Variants in GNAI2 observed in about 807,000 individuals in gnomAD.
GNAI2 encodes G protein subunit alpha i2, also known as guanine nucleotide-binding protein G(i) subunit alpha-2.
GNAI2 carries 4 observed loss-of-function variants against 36.8 expected under a neutral mutation model. The observed-to-expected ratio is 0.11, with a 90% CI of 0.05 to 0.25. The LOEUF (loss-of-function observed/expected upper bound fraction) is 0.25. Ranked by LOEUF, GNAI2 falls within the 10% of genes least tolerant of loss-of-function variation. The pLI is 1.00. For missense variants in GNAI2, 230 were observed against 481.3 expected, an observed-to-expected ratio of 0.48 and a Z score of 4.89; for synonymous variants, 194 against 194.1, an observed-to-expected ratio of 1.00 and a Z score of 0.01.
intron 1 of GNAI2, chr3:50,247,006 A>G: frequency 4.7e-6 from 6 of 1,282,902 alleles, no homozygotes; most frequent in Non-Finnish European, 6.5e-6. Flanking sequence ...TTTATCTGAA[A>G]ATCTTCAGAA....
At chr3:50,234,376 T>C (rs1247730912), upstream of GNAI2, among the ~76,000 whole-genome samples, 6 of 137,704 alleles carry the variant, frequency 4.4e-5, no homozygotes, top group African/African-American at 1.7e-4. Context: ...TTTTTTGAAA[T>C]GGAGTTTCAC....
At chr3:50,243,325 G>A (rs931905453) in intron 1 of GNAI2, among the ~76,000 whole-genome samples, 2 of 152,244 alleles carry the variant, frequency 1.3e-5, no homozygotes, top group African/African-American at 4.8e-5. Flanking sequence ...GGAGAAGGAC[G>A]CTGGCGGGAG....
intron 1 of GNAI2, among the ~76,000 whole-genome samples, chr3:50,244,025 C>CTTTT (rs782681282): frequency 4.2e-5 from 5 of 120,408 alleles, no homozygotes; most frequent in South Asian, 2.5e-4. Context: ...CCCTCCACTC[C>CTTTT]TTTTTTTTTT....
chr3:50,250,588 GC>G (rs1301246282), intron 1 of GNAI2, among the ~76,000 whole-genome samples: 1 of 152,200 alleles, frequency 6.6e-6, no homozygotes, highest in Non-Finnish European at 1.5e-5. Flanking sequence ...GGGAAGGACA[GC>G]AGGGCCCAGC....
chr3:50,254,624 A>T (rs1259095910), intron 4 of GNAI2, among the ~76,000 whole-genome samples: 2 of 152,202 alleles, frequency 1.3e-5, no homozygotes, highest in Non-Finnish European at 2.9e-5. Context: ...CCTCCCTGAG[A>T]TCTCTGGCCC....
chr3:50,259,069 C>T lies in GNAI2; in HGVS notation c.*726C>T, dbSNP rs1361297301. ...GCTGGCCGCCCCCGTGCGAGCGGCA[C>T]CCCTGCCCTGCCCTCCACAGAATTG... On this transcript the variant is annotated 3_prime_UTR_variant, in exon 9 of 9. Transcript: ENST00000313601. 4 of 393,470 alleles carry T rather than the reference C, an allele frequency of 1.0e-5. No individual in the cohort carries two copies. The highest frequency in any genetic ancestry group is 7.0e-5 in the Admixed American group (2 of 28,398). 24.4% of individuals were successfully genotyped at this position (393,470 alleles called of 1,614,324 possible). A position where few individuals can be genotyped will look rare whatever the true frequency, so the allele number is the denominator to read the frequency against.
chr3:50,251,810 C>A (rs781849643), intron 1 of GNAI2: 5 of 1,286,730 alleles, frequency 3.9e-6, no homozygotes, highest in Non-Finnish European at 4.0e-6. Flanking sequence ...CCAGCCAAGA[C>A]CCCCCAGGAC....
rs1700736365 is a variant in GNAI2, at chr3:50,257,642, C to T, written c.1020C>T (p.Val340=). ...TKNVQFVFDA[V]TDVIIKNNLK... ...ACGTGCAGTTCGTGTTTGACGCCGTCACCGATGTCATCATCAAGAACAACC... is the reference window on the plus strand; with the variant it reads ...ACGTGCAGTTCGTGTTTGACGCCGTTACCGATGTCATCATCAAGAACAACC... Residue 340 remains valine, a synonymous_variant, in exon 8 of 9, where the codon GTC becomes GTT. Coordinates refer to ENST00000313601, the MANE Select transcript of GNAI2 (RefSeq NM_002070.4). 3.7e-6 allele frequency: 6 copies of T among 1,605,282 alleles called. No homozygotes were observed. The highest frequency in any genetic ancestry group is 5.1e-6 in the Non-Finnish European group (6 of 1,174,978).
chr3:50,237,693 G>A (rs1311613583), intron 1 of GNAI2, among the ~76,000 whole-genome samples: 2 of 151,870 alleles, frequency 1.3e-5, no homozygotes, highest in African/African-American at 4.8e-5. Context: ...TGGGCCTACT[G>A]GCTGTCCCCA....
At chr3:50,251,958 C>T in intron 1 of GNAI2, 142 bp from the exon 2 acceptor site, 5 of 927,798 alleles carry the variant, frequency 5.4e-6, no homozygotes, top group Non-Finnish European at 8.1e-6. Context: ...AACTGCCCAC[C>T]AGGCCCAGCT....
At chr3:50,244,728 G>A (rs1700376059) in intron 1 of GNAI2, among the ~76,000 whole-genome samples, 1 of 152,196 alleles carries the variant, frequency 6.6e-6, no homozygotes, top group South Asian at 2.1e-4. Context: ...GCCTAGTGGG[G>A]CCTTGCCCTC....
upstream of GNAI2, among the ~76,000 whole-genome samples, chr3:50,234,226 C>A (rs948542557): frequency 3.3e-5 from 5 of 151,696 alleles, no homozygotes; most frequent in Non-Finnish European, 5.9e-5. Context: ...GCCACCACGC[C>A]GGCTAATTTT....
chr3:50,256,400 C>G (rs1321426445), intron 5 of GNAI2, 80 bp downstream of exon 5: 8 of 1,326,060 alleles, frequency 6.0e-6, no homozygotes, highest in Admixed American at 1.7e-5. Context: ...GGTCCAGGAT[C>G]CCCCAGCCCC....
upstream of GNAI2, among the ~76,000 whole-genome samples, chr3:50,233,430 G>A (rs1700103711): frequency 6.6e-6 from 1 of 152,236 alleles, no homozygotes; most frequent in Non-Finnish European, 1.5e-5. Flanking sequence ...AGGCTAGAGA[G>A]GCCAGAGGAG....
At chr3:50,250,840 G>T (rs1241585284) in intron 1 of GNAI2, among the ~76,000 whole-genome samples, 1 of 146,228 alleles carries the variant, frequency 6.8e-6, no homozygotes, top group South Asian at 2.1e-4. Flanking sequence ...ACCAAGTTTC[G>T]CTCTTGTTGC....
intron 1 of GNAI2, among the ~76,000 whole-genome samples, chr3:50,248,553 G>A (rs1207097218): frequency 6.6e-6 from 1 of 152,062 alleles, no homozygotes; most frequent in Non-Finnish European, 1.5e-5. Flanking sequence ...CTGCTCCTGG[G>A]CTGTGCCCCT....
rs1205808883 is a variant in GNAI2, at chr3:50,258,734, A to C, written c.*391A>C. ...TTTGCCCAACACCAGCCCCTGCCCC[A>C]GCCCAAGTCCAAATGTTTACAGGGA... On this transcript the variant is annotated 3_prime_UTR_variant, in exon 9 of 9. Transcript: ENST00000313601. The C allele has an allele frequency of 2.8e-6, 1 of 357,886 alleles. No individual in the cohort carries two copies. The highest frequency in any genetic ancestry group is 5.4e-6 in the Non-Finnish European group (1 of 184,268). The allele number at this position is 357,886 out of a possible 1,614,324, so 22.2% of individuals were successfully genotyped here.
Position 50,241,866 on chromosome 3 carries a change from C to T in GNAI2, c.118+5413C>T, listed in dbSNP as rs2109190648. Among the ~76,000 whole-genome samples the T allele has an allele frequency of 6.6e-6, 1 of 152,304 alleles. No homozygotes were observed. Among genetic ancestry groups the T allele is most frequent in the Middle Eastern group, 3.4e-3 (1 of 294 alleles). Reference sequence around the variant, plus strand: ...CCCTGGGTGGCCTGAGAGGTAGGGTCACTGAGTGCCATCACTGATGTCCCA... The same window carrying T: ...CCCTGGGTGGCCTGAGAGGTAGGGTTACTGAGTGCCATCACTGATGTCCCA... On this transcript the variant is annotated intron_variant, in intron 1 of 8. Coordinates refer to ENST00000313601, the MANE Select transcript of GNAI2 (RefSeq NM_002070.4). This position sits in a 1 kb window ranked among gnomAD's most constrained non-coding sequence, Gnocchi z 5.0.
chr3:50,234,062 ATTTTTTTTTT>A (rs782209651), upstream of GNAI2, among the ~76,000 whole-genome samples: 1 of 82,496 alleles, frequency 1.2e-5, no homozygotes, highest in Non-Finnish European at 2.4e-5. Flanking sequence ...CGCCCAGCTG[ATTTTTTTTTT>A]TTTTTTTTTT....
Sources: allele counts gnomAD v4.1 joint callset (sites outside exome capture counted in the v4.1 genomes callset), GRCh38; gene constraint gnomAD v4.1.1; non-coding constraint Gnocchi (gnomAD v3.1); transcripts MANE v1.5; gene names NCBI Gene and HGNC (gene_info 2026-07-23, HGNC 2026-07-21).